The following SYNE1 variants were observed in gnomAD, a reference collection of about 807,000 sequenced individuals.
The protein encoded by SYNE1 is spectrin repeat containing nuclear envelope protein 1.
In SYNE1, 616 loss-of-function variants were observed where a neutral mutation model predicts 1,111.0. That is an observed-to-expected ratio of 0.55 (90% CI 0.52 to 0.59). The LOEUF is 0.59. Among genes scored for constraint, SYNE1 ranks in the 20% least tolerant of loss-of-function variants. The probability of loss-of-function intolerance (pLI) is 0.00; values close to 1 mark genes in which losing one functional copy is unlikely to be tolerated. For synonymous variants in SYNE1, 3,855 were observed against 3,825.8 expected (o/e 1.01, Z -0.28); for missense variants, 10,006 against 10,417.0 (o/e 0.96, Z 1.72).
intron 3 of SYNE1, among the ~76,000 whole-genome samples, chr6:152,624,828 T>C (rs1482922727): frequency 6.6e-6 from 1 of 152,206 alleles, no homozygotes; most frequent in Non-Finnish European, 1.5e-5. Flanking sequence ...CTGTGTGTGC[T>C]TTAATTTCCT....
chr6:152,398,113 A>G (rs748071226), intron 49 of SYNE1, among the ~76,000 whole-genome samples: 3 of 152,158 alleles, frequency 2.0e-5, no homozygotes, highest in Non-Finnish European at 4.4e-5. Flanking sequence ...ATTCTTCTGT[A>G]AATCATTTCT....
Position 152,234,760 on chromosome 6 carries a change from AT to A in SYNE1, c.20436del (p.Gln6812HisfsTer7). The A allele has an allele frequency of 3.1e-6, 5 of 1,614,188 alleles. No individual in the cohort carries two copies. The highest frequency in any genetic ancestry group is 4.2e-6 in the Non-Finnish European group (5 of 1,180,016). ...CAAAATTCTAGCCGGTCTTTTGCAG[AT>A]TGTAACCAGTGAATTAGATCTGCAG... Reference protein sequence around the residue: ...SESADLIHWLQSAKDRLEFWT... With the variant: ...SESADLIHWLXSAKDRLEFWT... On this transcript the variant is annotated frameshift_variant, in exon 111 of 146. Coordinates refer to ENST00000367255, the MANE Select transcript of SYNE1 (RefSeq NM_182961.4). LOFTEE classifies it high-confidence loss of function.
Position 152,455,693 on chromosome 6 carries a change from C to A in SYNE1, c.2728-103G>T, listed in dbSNP as rs183603162. On this transcript the variant is annotated intron_variant, in intron 23 of 145. Transcript: ENST00000367255. Reference sequence around the variant, plus strand: ...ATTTAAAAAGCACTTGGAAAAAAGACATTTCATCATCATGGGAATAATTAA... The same window carrying A: ...ATTTAAAAAGCACTTGGAAAAAAGAAATTTCATCATCATGGGAATAATTAA... 3.5e-3 allele frequency: 5,157 copies of A among 1,489,778 alleles called. 48 individuals carry two copies. The highest frequency in any genetic ancestry group is 3.1e-3 in the Non-Finnish European group (3,302 of 1,072,940). The allele number at this position is 1,489,778 out of a possible 1,614,324, so 92.3% of individuals were successfully genotyped here. A position where few individuals can be genotyped will look rare whatever the true frequency, so the allele number is the denominator to read the frequency against.
chr6:152,494,965 A>G lies in SYNE1; in HGVS notation c.939+3777T>C, dbSNP rs144291644. On this transcript the variant is annotated intron_variant, in intron 11 of 145. Coordinates refer to ENST00000367255, the MANE Select transcript of SYNE1 (RefSeq NM_182961.4). ...CTCCCACTGAAGTTTCCACCTATCA[A>G]TCCCTCCCTACTCAAGGCAAATAGT... 1.9e-3 allele frequency among the ~76,000 whole-genome samples: 295 copies of G among 152,154 alleles called. 1 individual carries two copies. Among genetic ancestry groups the G allele is most frequent in the East Asian group, 6.0e-3 (31 of 5,170 alleles).
intron 3 of SYNE1, among the ~76,000 whole-genome samples, chr6:152,581,957 G>T (rs2099521231): frequency 6.6e-6 from 1 of 152,042 alleles, no homozygotes; most frequent in South Asian, 2.1e-4. Flanking sequence ...CCTTAAAATG[G>T]GTTACCAGTG....
intron 4 of SYNE1, among the ~76,000 whole-genome samples, chr6:152,527,234 C>T (rs540206990): frequency 6.6e-6 from 1 of 152,092 alleles, no homozygotes; most frequent in South Asian, 2.1e-4. Context: ...TTTTCTCTAC[C>T]AACTGATGTA....
At chr6:152,261,053 C>T (rs371827815) in intron 101 of SYNE1, among the ~76,000 whole-genome samples, 4 of 152,162 alleles carry the variant, frequency 2.6e-5, no homozygotes, top group African/African-American at 7.2e-5. Flanking sequence ...TCAGCTCCAG[C>T]GTTTCCCTCC....
chr6:152,159,904 T>C (rs897989135), intron 131 of SYNE1, among the ~76,000 whole-genome samples: 7 of 152,236 alleles, frequency 4.6e-5, no homozygotes, highest in Non-Finnish European at 4.4e-5. Context: ...TGAACTCTAA[T>C]GACTGTTACA....
At chr6:152,170,119 T>C (rs2064811274) in intron 130 of SYNE1, among the ~76,000 whole-genome samples, 1 of 152,290 alleles carries the variant, frequency 6.6e-6, no homozygotes, top group South Asian at 2.1e-4. Flanking sequence ...GTTTACCTCA[T>C]GGAGTTAAAA....
chr6:152,456,066 C>A (rs747896159), intron 22 of SYNE1, 22 bp from the exon 23 acceptor site: 1 of 1,609,052 alleles, frequency 6.2e-7, no homozygotes, highest in Admixed American at 1.7e-5. Context: ...TGAAACCCCA[C>A]AACAATGTTA....
At chr6:152,325,935 T>A (rs779094964) in intron 80 of SYNE1, 23 bp downstream of exon 80, 1 of 1,614,038 alleles carries the variant, frequency 6.2e-7, no homozygotes, top group East Asian at 2.2e-5. Context: ...AAGGATTTTT[T>A]TTAAATGGCC....
At position 152,213,723 on chromosome 6, in the gene SYNE1, G is replaced by GA; in HGVS notation, c.22382dup (p.Glu7463GlyfsTer4). 1 of 1,614,064 alleles carries GA rather than the reference G, an allele frequency of 6.2e-7. No individual in the cohort carries two copies. Among genetic ancestry groups the GA allele is most frequent in the Non-Finnish European group, 8.5e-7 (1 of 1,179,992 alleles). On this transcript the variant is annotated frameshift_variant, in exon 123 of 146. Coordinates refer to ENST00000367255, the MANE Select transcript of SYNE1 (RefSeq NM_182961.4). LOFTEE classifies it high-confidence loss of function. Reference sequence around the variant, plus strand: ...CCATCCATGTTTCACATTTTTCCAAGAAAGTCTGATGTTGTAGCAAAAATG... The same window carrying GA: ...CCATCCATGTTTCACATTTTTCCAAGAAAAGTCTGATGTTGTAGCAAAAATG...
At chr6:152,350,522 C>T (rs1439851929) in intron 71 of SYNE1, 96 bp downstream of exon 71, 13 of 1,550,796 alleles carry the variant, frequency 8.4e-6, no homozygotes, top group Admixed American at 1.7e-5. Flanking sequence ...AATACTAACC[C>T]GTACCAGGCC....
intron 137 of SYNE1, chr6:152,145,652 C>A (rs775042868): frequency 8.0e-6 from 9 of 1,126,368 alleles, no homozygotes; most frequent in South Asian, 1.3e-5. Flanking sequence ...AAAAGGAAGT[C>A]AGTTATTCTA....
At chr6:152,207,922 T>G (rs749836272) in intron 125 of SYNE1, 50 bp downstream of exon 125, 1 of 1,588,712 alleles carries the variant, frequency 6.3e-7, no homozygotes. Context: ...AGGTAAAGTG[T>G]GCGGTGGAAA....
chr6:152,346,436 G>A lies in SYNE1; in HGVS notation c.12078+623C>T, dbSNP rs570583714. Among the ~76,000 whole-genome samples, 189 of 152,134 alleles carry A rather than the reference G, an allele frequency of 1.2e-3. 1 individual carries two copies. Among genetic ancestry groups the A allele is most frequent in the African/African-American group, 4.2e-3 (176 of 41,492 alleles). On this transcript the variant is annotated intron_variant, in intron 73 of 145. Coordinates refer to ENST00000367255, the MANE Select transcript of SYNE1 (RefSeq NM_182961.4). ...CCTGCTTTGGCCTCCCAAAGTGCTG[G>A]GATTATAGGCTTGAGCCACCATGCC...
chr6:152,636,227 G>C (rs766050321), intron 2 of SYNE1, among the ~76,000 whole-genome samples: 1 of 152,058 alleles, frequency 6.6e-6, no homozygotes, highest in Non-Finnish European at 1.5e-5. Flanking sequence ...AAATAGTCAG[G>C]GGGTGGAGGA....
At chr6:152,590,665 T>C (rs1191829906) in intron 3 of SYNE1, among the ~76,000 whole-genome samples, 1 of 152,160 alleles carries the variant, frequency 6.6e-6, no homozygotes, top group East Asian at 1.9e-4. Flanking sequence ...AAACATCCTT[T>C]GTCCCATCTA....
In SYNE1 at chr6:152,511,592, C is replaced by A. The variant is rs1564555089; in HGVS notation, c.310-489G>T. ...TAACCGGTGATCCTCTGTGCATGGA[C>A]TGACATGAAAAACAAAGGGAGAAGA... On this transcript the variant is annotated intron_variant, in intron 6 of 145. Coordinates refer to ENST00000367255, the MANE Select transcript of SYNE1 (RefSeq NM_182961.4). 1 of 1,612,262 alleles carries A rather than the reference C, an allele frequency of 6.2e-7. No individual in the cohort carries two copies.
Sources: allele counts gnomAD v4.1 joint callset (sites outside exome capture counted in the v4.1 genomes callset), GRCh38; gene constraint gnomAD v4.1.1; transcripts MANE v1.5; gene names NCBI Gene and HGNC (gene_info 2026-07-23, HGNC 2026-07-21).